Variants in CD226 observed in about 807,000 individuals in gnomAD.
The protein encoded by CD226 is CD226 molecule, also known as CD226 antigen.
Under a neutral mutation model 34.9 loss-of-function variants are expected in CD226, and 24 were observed. The observed-to-expected ratio is 0.69, with a 90% CI of 0.50 to 0.97. The LOEUF is 0.97. Ranked by LOEUF, CD226 falls within the 50% of genes least tolerant of loss-of-function variation. The pLI, the probability that CD226 is intolerant of heterozygous loss-of-function variation, is 0.00. For synonymous variants in CD226, 148 were observed against 147.4 expected, an observed-to-expected ratio of 1.00 and a Z score of -0.03; for missense variants, 397 against 412.7, an observed-to-expected ratio of 0.96 and a Z score of 0.33.
At chr18:69,905,420 T>C (rs2055240593) in intron 2 of CD226, among the ~76,000 whole-genome samples, 1 of 152,146 alleles carries the variant, frequency 6.6e-6, no homozygotes, top group African/African-American at 2.4e-5. Flanking sequence ...AAGGAAGATG[T>C]TTCCCACAGG....
At chr18:69,955,411 G>A (rs1297003239) in intron 1 of CD226, among the ~76,000 whole-genome samples, 1 of 152,206 alleles carries the variant, frequency 6.6e-6, no homozygotes, top group Non-Finnish European at 1.5e-5. Flanking sequence ...GAAAGCAGAG[G>A]ACTGTGAACA....
intron 2 of CD226, among the ~76,000 whole-genome samples, chr18:69,929,736 C>T (rs553507594): frequency 2.2e-4 from 33 of 152,284 alleles, no homozygotes; most frequent in African/African-American, 7.9e-4. Flanking sequence ...AACCCCACTC[C>T]GGAGCTTCTC....
chr18:69,937,364 TC>T (rs973186505), intron 2 of CD226, among the ~76,000 whole-genome samples: 17 of 152,132 alleles, frequency 1.1e-4, no homozygotes, highest in African/African-American at 3.9e-4. Context: ...CTAAAGCAAT[TC>T]TCCTGGAATA....
rs779570944 is a variant in CD226, at chr18:69,940,377, GA to G, written c.382+6356del. 5.9e-5 allele frequency among the ~76,000 whole-genome samples: 9 copies of G among 152,342 alleles called. No homozygotes were observed. The South Asian group carries it at 1.9e-3, about 32-fold the overall frequency. Reference sequence around the variant, plus strand: ...ATCCACAAGTGTGAAAGCAACTTTGGAACTGGGTAACAGGTAGAGGTTGGAA... The same window carrying G: ...ATCCACAAGTGTGAAAGCAACTTTGGACTGGGTAACAGGTAGAGGTTGGAA... On this transcript the variant is annotated intron_variant, in intron 2 of 5. Coordinates refer to ENST00000582621, the MANE Select transcript of CD226 (RefSeq NM_001303618.2).
At chr18:69,937,976 C>G (rs935042143) in intron 2 of CD226, among the ~76,000 whole-genome samples, 4 of 152,186 alleles carry the variant, frequency 2.6e-5, no homozygotes, top group African/African-American at 7.2e-5. Flanking sequence ...TGCTGGGAAC[C>G]TGGACAGAGA....
intron 2 of CD226, among the ~76,000 whole-genome samples, chr18:69,926,301 TG>T (rs1249238856): frequency 6.6e-6 from 1 of 152,114 alleles, no homozygotes; most frequent in Non-Finnish European, 1.5e-5. Flanking sequence ...TCGGGACCTT[TG>T]CACTTGCTAT....
intron 2 of CD226, among the ~76,000 whole-genome samples, chr18:69,900,529 G>A (rs1255348043): frequency 1.3e-5 from 2 of 151,424 alleles, no homozygotes; most frequent in Non-Finnish European, 2.9e-5. Flanking sequence ...TCAGGAGATC[G>A]AGACCATCCT....
At chr18:69,956,529 A>C (rs1030087864) in intron 1 of CD226, 12 of 152,194 alleles carry the variant, frequency 7.9e-5, no homozygotes, top group African/African-American at 2.9e-4. Flanking sequence ...CAGACTGAGA[A>C]AAAGTACTTA....
At position 69,921,664 on chromosome 18, in the gene CD226, T is replaced by C. The variant is rs528061538; in HGVS notation, c.382+25070A>G. 2.6e-5 allele frequency among the ~76,000 whole-genome samples: 4 copies of C among 152,288 alleles called. No individual in the cohort carries two copies. In the South Asian group the frequency reaches 6.2e-4, roughly 24 times the overall value. Reference sequence around the variant, plus strand: ...GTGGATTGGCCTTATCTTTTGAATATTATCTTAAATCACTTGTCTCCTTGT... The same window carrying C: ...GTGGATTGGCCTTATCTTTTGAATACTATCTTAAATCACTTGTCTCCTTGT... On this transcript the variant is annotated intron_variant, in intron 2 of 5. Coordinates refer to ENST00000582621, the MANE Select transcript of CD226 (RefSeq NM_001303618.2).
At chr18:69,869,956 A>G (rs1236879811) in intron 4 of CD226, among the ~76,000 whole-genome samples, 1 of 151,248 alleles carries the variant, frequency 6.6e-6, no homozygotes, top group Non-Finnish European at 1.5e-5. Flanking sequence ...GCCCGCCACC[A>G]TGCCTGGCTA....
rs1001288438 is a variant in CD226, at chr18:69,854,169, C to G, written c.*10145G>C. 1 of 152,210 alleles carries G rather than the reference C, an allele frequency of 6.6e-6. No individual in the cohort carries two copies. The highest frequency in any genetic ancestry group is 1.5e-5 in the Non-Finnish European group (1 of 68,052). 9.4% of individuals were successfully genotyped at this position (152,210 alleles called of 1,614,324 possible). A position where few individuals can be genotyped will look rare whatever the true frequency, so the allele number is the denominator to read the frequency against. On this transcript the variant is annotated 3_prime_UTR_variant, in exon 6 of 6. Coordinates refer to ENST00000582621, the MANE Select transcript of CD226 (RefSeq NM_001303618.2). ...AAGACAAAGCTGGAAAGTTGGAAAG[C>G]TGAAAATCAATGACTTTTCTTATTA...
upstream of CD226, among the ~76,000 whole-genome samples, chr18:69,959,463 G>C (rs1039078206): frequency 6.6e-6 from 1 of 152,134 alleles, no homozygotes; most frequent in African/African-American, 2.4e-5. Context: ...TTGCAGCATC[G>C]CATCAGCTAC....
upstream of CD226, chr18:69,961,530 G>A (rs1419317478): frequency 6.6e-6 from 1 of 152,162 alleles, no homozygotes; most frequent in East Asian, 1.9e-4. Context: ...ATGAAAGTAA[G>A]CAATGGATGA....
At chr18:69,938,617 C>A (rs55757921) in intron 2 of CD226, among the ~76,000 whole-genome samples, 1 of 152,232 alleles carries the variant, frequency 6.6e-6, no homozygotes, top group South Asian at 2.1e-4. Context: ...CTTAATTTCA[C>A]ATCTTTTTCA....
chr18:69,906,670 G>T (rs2055257583), intron 2 of CD226, among the ~76,000 whole-genome samples: 1 of 152,208 alleles, frequency 6.6e-6, no homozygotes, highest in Non-Finnish European at 1.5e-5. Flanking sequence ...GGATTTCTTG[G>T]AGGACTTCGA....
chr18:69,939,727 G>A (rs1351499845), intron 2 of CD226, among the ~76,000 whole-genome samples: 1 of 152,162 alleles, frequency 6.6e-6, no homozygotes, highest in Non-Finnish European at 1.5e-5. Context: ...GGTGTTTTGG[G>A]ATGAGATTAA....
At chr18:69,934,683 T>C (rs1184405048) in intron 2 of CD226, among the ~76,000 whole-genome samples, 1 of 152,156 alleles carries the variant, frequency 6.6e-6, no homozygotes, top group Non-Finnish European at 1.5e-5. Flanking sequence ...TTTTTTAAAG[T>C]GTAAGTTGGT....
At chr18:69,958,622 C>G (rs1279513647), upstream of CD226, among the ~76,000 whole-genome samples, 1 of 152,120 alleles carries the variant, frequency 6.6e-6, no homozygotes, top group Non-Finnish European at 1.5e-5. Context: ...AGGGTGAATG[C>G]AAATCCTATC....
chr18:69,931,879 C>T (rs1399263656), intron 2 of CD226, among the ~76,000 whole-genome samples: 4 of 152,302 alleles, frequency 2.6e-5, no homozygotes, highest in African/African-American at 7.2e-5. Flanking sequence ...TAAAGTACCA[C>T]AGACTGGATG....
Sources: allele counts gnomAD v4.1 joint callset (sites outside exome capture counted in the v4.1 genomes callset), GRCh38; gene constraint gnomAD v4.1.1; transcripts MANE v1.5; gene names NCBI Gene and HGNC (gene_info 2026-07-23, HGNC 2026-07-21).